CTNNA2: variants seen among roughly 807,000 people sequenced by gnomAD.
CTNNA2 encodes the protein catenin alpha 2.
CTNNA2 carries 42 observed loss-of-function variants against 101.0 expected under a neutral mutation model. The ratio of observed to expected loss-of-function variants is 0.42; its 90% CI spans 0.32 to 0.54. The LOEUF is 0.54. CTNNA2 is among the 20% of genes least tolerant of loss of function. CTNNA2 has a pLI of 0.14. For synonymous variants in CTNNA2, 450 were observed against 456.4 expected, an observed-to-expected ratio of 0.99 and a Z score of 0.18; for missense variants, 871 against 1,223.1, an observed-to-expected ratio of 0.71 and a Z score of 4.29.
chr2:79,270,610 C>A (rs556051119), intron 2 of CTNNA2, among the ~76,000 whole-genome samples: 6 of 151,962 alleles, frequency 3.9e-5, no homozygotes, highest in Non-Finnish European at 8.8e-5. Flanking sequence ...CTCTATGCAG[C>A]TCCCACCTCT....
intron 3 of CTNNA2, among the ~76,000 whole-genome samples, chr2:79,765,940 T>C (rs1358368590): frequency 6.6e-6 from 1 of 152,230 alleles, no homozygotes; most frequent in African/African-American, 2.4e-5. Flanking sequence ...ATGCTCAGTA[T>C]ACACATTGCA....
intron 13 of CTNNA2, among the ~76,000 whole-genome samples, 154 bp downstream of exon 13, chr2:80,574,468 T>G (rs1031439687): frequency 6.6e-6 from 1 of 152,194 alleles, no homozygotes. Context: ...GCTTTATACT[T>G]ATGAAGGGAT....
intron 7 of CTNNA2, among the ~76,000 whole-genome samples, chr2:80,306,001 C>A (rs1007560145): frequency 2.0e-5 from 3 of 152,168 alleles, no homozygotes; most frequent in African/African-American, 7.2e-5. Flanking sequence ...ATTACCAGAG[C>A]CAGGGTAGAT....
intron 7 of CTNNA2, among the ~76,000 whole-genome samples, chr2:80,023,258 G>A (rs913459500): frequency 3.3e-5 from 5 of 152,182 alleles, no homozygotes; most frequent in African/African-American, 1.2e-4. Context: ...TATTCTGAGT[G>A]AGCATTAGTG....
chr2:80,566,923 C>A lies in CTNNA2; in HGVS notation c.1742-7240C>A, dbSNP rs533765623. On this transcript the variant is annotated intron_variant, in intron 12 of 18. Transcript: ENST00000402739. ...TAGCCTGTGGTGTCAGAAGTCATAA[C>A]CAAGATTCGAGTGCATGTGTGTAAA... 2.6e-5 allele frequency among the ~76,000 whole-genome samples: 4 copies of A among 152,240 alleles called. No individual in the cohort carries two copies. The South Asian group carries it at 8.3e-4, about 32-fold the overall frequency.
chr2:80,000,981 C>G (rs1277555343), intron 7 of CTNNA2, among the ~76,000 whole-genome samples: 1 of 152,148 alleles, frequency 6.6e-6, no homozygotes, highest in Non-Finnish European at 1.5e-5. Flanking sequence ...ATGCTTCCAG[C>G]CAGTATGGGT....
chr2:80,409,286 A>C (rs1679345275), intron 8 of CTNNA2, among the ~76,000 whole-genome samples: 1 of 152,084 alleles, frequency 6.6e-6, no homozygotes, highest in African/African-American at 2.4e-5. Context: ...TCTTAAGAGA[A>C]TCTTTAAGTA....
In CTNNA2 at chr2:79,521,152, ATATATATATAT is replaced by A. The variant is rs1558695200; in HGVS notation, c.-6+7946_-6+7956del. On this transcript the variant is annotated intron_variant, in intron 1 of 18. Transcript: ENST00000402739. The stretch of plus-strand genomic sequence containing the variant: ...TATATATATATATATATATATATAT[ATATATATATAT>A]ATATAAATTTTAAGGTGCGCTATTT... Among the ~76,000 whole-genome samples the A allele has an allele frequency of 3.6e-4, 27 of 75,650 alleles. 1 individual carries two copies. The highest frequency in any genetic ancestry group is 1.1e-3 in the African/African-American group (25 of 23,460). The allele number at this position is 75,650 out of a possible 152,430, so 49.6% of individuals were successfully genotyped here.
chr2:79,481,648 T>C (rs1384700123), intron 4 of CTNNA2, among the ~76,000 whole-genome samples: 2 of 152,202 alleles, frequency 1.3e-5, no homozygotes, highest in East Asian at 3.8e-4. Flanking sequence ...GTGCTAGATA[T>C]ACTTATTACC....
At chr2:79,443,201 GAT>G (rs1419970916) in intron 4 of CTNNA2, among the ~76,000 whole-genome samples, 37 of 152,198 alleles carry the variant, frequency 2.4e-4, no homozygotes, top group Admixed American at 9.8e-4. Context: ...AAAGTTCCAT[GAT>G]CTGCCATCTG....
chr2:79,370,328 T>C (rs978034881), intron 3 of CTNNA2, among the ~76,000 whole-genome samples: 1 of 152,202 alleles, frequency 6.6e-6, no homozygotes. Flanking sequence ...AAGTGAAGTT[T>C]CCTGCCCCAA....
intron 1 of CTNNA2, among the ~76,000 whole-genome samples, chr2:79,572,322 A>G (rs1675509119): frequency 6.6e-6 from 1 of 152,144 alleles, no homozygotes; most frequent in Non-Finnish European, 1.5e-5. Context: ...ATTATTTTTG[A>G]GAAAAATAAG....
At chr2:80,087,367 C>T (rs1420377339) in intron 7 of CTNNA2, among the ~76,000 whole-genome samples, 1 of 152,036 alleles carries the variant, frequency 6.6e-6, no homozygotes, top group South Asian at 2.1e-4. Flanking sequence ...GTGATGTGTG[C>T]AATATATGTC....
chr2:79,651,616 G>T lies in CTNNA2; in HGVS notation c.60G>T (p.Arg20=). Residue 20 remains arginine (R), a synonymous_variant, in exon 2 of 19, where the codon CGG becomes CGT. Coordinates refer to ENST00000402739, the MANE Select transcript of CTNNA2 (RefSeq NM_001282597.3). ...LKWDPKSLEI[R]TLTVERLLEP... is the part of the protein sequence containing the mutation. Reference sequence around the variant, plus strand: ...GGGACCCCAAAAGTTTGGAAATCCGGACGCTAACAGTGGAAAGGCTGTTGG... The same window carrying T: ...GGGACCCCAAAAGTTTGGAAATCCGTACGCTAACAGTGGAAAGGCTGTTGG... The T allele has an allele frequency of 6.2e-7, 1 of 1,613,816 alleles. No individual in the cohort carries two copies. Among genetic ancestry groups the T allele is most frequent in the Non-Finnish European group, 8.5e-7 (1 of 1,179,832 alleles).
chr2:79,477,977 C>A (rs1400090076), intron 4 of CTNNA2, among the ~76,000 whole-genome samples: 1 of 152,184 alleles, frequency 6.6e-6, no homozygotes, highest in African/African-American at 2.4e-5. Flanking sequence ...CCACAAATTT[C>A]AAGACACAAA....
intron 2 of CTNNA2, among the ~76,000 whole-genome samples, chr2:79,671,438 A>G (rs550261516): frequency 1.3e-5 from 2 of 152,324 alleles, no homozygotes; most frequent in South Asian, 2.1e-4. Context: ...GTGTAAAAAG[A>G]TGGCAAGAAG....
chr2:79,895,349 C>T (rs1684632014), intron 6 of CTNNA2, among the ~76,000 whole-genome samples: 1 of 152,096 alleles, frequency 6.6e-6, no homozygotes, highest in Non-Finnish European at 1.5e-5. Flanking sequence ...ATGCATTTCC[C>T]TTGCGGCCCG....
intron 3 of CTNNA2, among the ~76,000 whole-genome samples, chr2:79,343,723 GATTATT>G (rs71385268): frequency 0.43 from 63,059 of 147,684 alleles, 13,858 homozygotes; most frequent in East Asian, 0.68. Flanking sequence ...AGACACGGAC[GATTATT>G]ATTATTATTA....
At chr2:79,433,459 G>T (rs879317382) in intron 4 of CTNNA2, among the ~76,000 whole-genome samples, 1 of 152,078 alleles carries the variant, frequency 6.6e-6, no homozygotes, top group South Asian at 2.1e-4. Context: ...TTGATGCTTT[G>T]CTTGTTTTTA....
Sources: gnomAD v4.1 joint callset for allele counts (sites outside exome capture counted in the v4.1 genomes callset) on GRCh38, gnomAD v4.1.1 for gene constraint, MANE v1.5 for transcripts, NCBI Gene and HGNC (gene_info 2026-07-23, HGNC 2026-07-21) for gene names.